Variants in SLC2A9 observed in about 807,000 individuals in gnomAD.
The protein encoded by SLC2A9 is solute carrier family 2 member 9, also known as solute carrier family 2, facilitated glucose transporter member 9.
A neutral mutation model predicts 50.6 loss-of-function variants in SLC2A9; 39 were observed. That is an observed-to-expected ratio of 0.77 (90% CI 0.60 to 1.01). The LOEUF (loss-of-function observed/expected upper bound fraction) is 1.01. Among genes scored for constraint, SLC2A9 ranks in the 50% least tolerant of loss-of-function variants. The pLI is 0.00. For synonymous variants in SLC2A9, 324 were observed against 276.9 expected, an observed-to-expected ratio of 1.17 and a Z score of -1.69; for missense variants, 686 against 677.6, an observed-to-expected ratio of 1.01 and a Z score of -0.14.
chr4:9,819,142 T>G (rs1051725439), intron 3 of SLC2A9, among the ~76,000 whole-genome samples: 9 of 125,454 alleles, frequency 7.2e-5, no homozygotes, highest in African/African-American at 1.0e-4. Context: ...AAAAAAAAAG[T>G]ATACAGGTCT....
chr4:9,950,143 T>C (rs906145811), intron 5 of SLC2A9, among the ~76,000 whole-genome samples: 1 of 152,208 alleles, frequency 6.6e-6, no homozygotes, highest in Non-Finnish European at 1.5e-5. Flanking sequence ...GCTAGTAAGA[T>C]GGCTCAATTC....
chr4:9,990,350 G>T (rs549571828), intron 3 of SLC2A9, among the ~76,000 whole-genome samples: 15 of 152,190 alleles, frequency 9.9e-5, no homozygotes, highest in Admixed American at 9.2e-4. Flanking sequence ...TCTACTGCTT[G>T]CCTGCTGTGT....
At chr4:9,903,432 T>C (rs1740033521) in intron 8 of SLC2A9, among the ~76,000 whole-genome samples, 1 of 152,142 alleles carries the variant, frequency 6.6e-6, no homozygotes, top group Admixed American at 6.5e-5. Flanking sequence ...CTGCCCCACA[T>C]GGCCTGAATG....
chr4:9,771,752 G>A (rs571869056), intron 1 of SLC2A9, among the ~76,000 whole-genome samples: 1 of 152,314 alleles, frequency 6.6e-6, no homozygotes, highest in Non-Finnish European at 1.5e-5. Flanking sequence ...TACAGAGGGT[G>A]GCTACTACCC....
At chr4:9,922,650 A>C (rs1239073569) in intron 6 of SLC2A9, among the ~76,000 whole-genome samples, 2 of 152,182 alleles carry the variant, frequency 1.3e-5, no homozygotes, top group East Asian at 3.8e-4. Context: ...CCTGCAATGC[A>C]TGAGTTTCTC....
At chr4:9,993,527 A>C (rs1412653057) in intron 3 of SLC2A9, among the ~76,000 whole-genome samples, 3 of 152,194 alleles carry the variant, frequency 2.0e-5, no homozygotes, top group Non-Finnish European at 4.4e-5. Context: ...GCCATTCTTT[A>C]TCTTCATGTC....
intron 8 of SLC2A9, among the ~76,000 whole-genome samples, chr4:9,891,090 T>C (rs970186589): frequency 5.3e-5 from 8 of 152,068 alleles, no homozygotes; most frequent in African/African-American, 1.7e-4. Flanking sequence ...CTCCATGTTG[T>C]GGGTTTCATA....
chr4:9,790,871 C>G (rs1719831018), intron 3 of SLC2A9, among the ~76,000 whole-genome samples: 1 of 152,218 alleles, frequency 6.6e-6, no homozygotes, highest in African/African-American at 2.4e-5. Flanking sequence ...TGCCTTGATC[C>G]TGCCCTGATC....
intron 10 of SLC2A9, among the ~76,000 whole-genome samples, chr4:9,851,196 G>A (rs1355213182): frequency 6.6e-6 from 1 of 152,188 alleles, no homozygotes; most frequent in African/African-American, 2.4e-5. Context: ...ATTGGGCTGG[G>A]AACACCTCGG....
At chr4:9,903,916 A>C (rs13128821) in intron 8 of SLC2A9, among the ~76,000 whole-genome samples, 1 of 147,786 alleles carries the variant, frequency 6.8e-6, no homozygotes, top group African/African-American at 2.5e-5. Flanking sequence ...AATATATAAA[A>C]TATATCTACA....
intron 6 of SLC2A9, among the ~76,000 whole-genome samples, chr4:9,933,684 A>T (rs1000025796): frequency 6.6e-6 from 1 of 152,190 alleles, no homozygotes; most frequent in South Asian, 2.1e-4. Flanking sequence ...AGCAAATTAC[A>T]ATGGAGATTT....
At chr4:10,030,374 A>C (rs956004072) in intron 1 of SLC2A9, among the ~76,000 whole-genome samples, 1 of 152,250 alleles carries the variant, frequency 6.6e-6, no homozygotes, top group East Asian at 1.9e-4. Flanking sequence ...AATACTCTGT[A>C]TGATACTATA....
intron 3 of SLC2A9, among the ~76,000 whole-genome samples, chr4:9,780,498 C>T (rs527366405): frequency 6.6e-6 from 1 of 152,098 alleles, no homozygotes; most frequent in Admixed American, 6.5e-5. Flanking sequence ...AGAAGGTGGG[C>T]CACTTGCAGA....
At chr4:9,872,141 G>A (rs779032182) in intron 10 of SLC2A9, among the ~76,000 whole-genome samples, 1 of 152,180 alleles carries the variant, frequency 6.6e-6, no homozygotes, top group African/African-American at 2.4e-5. Flanking sequence ...CCTTAATCTG[G>A]TTCATCCCCT....
At chr4:9,831,490 T>C (rs1473998324) in intron 11 of SLC2A9, among the ~76,000 whole-genome samples, 1 of 152,184 alleles carries the variant, frequency 6.6e-6, no homozygotes. Context: ...ACTCTACTTG[T>C]TATCACAGCC....
chr4:9,867,006 A>G (rs1270274886), intron 10 of SLC2A9, among the ~76,000 whole-genome samples: 1 of 152,210 alleles, frequency 6.6e-6, no homozygotes, highest in African/African-American at 2.4e-5. Context: ...CACTGCTCCC[A>G]ATATGGGGAG....
At chr4:9,900,930 C>G (rs1456748689) in intron 8 of SLC2A9, among the ~76,000 whole-genome samples, 1 of 152,204 alleles carries the variant, frequency 6.6e-6, no homozygotes, top group Non-Finnish European at 1.5e-5. Context: ...TCCCATGACA[C>G]ATGGGGATTG....
downstream of SLC2A9, among the ~76,000 whole-genome samples, chr4:9,774,889 A>C (rs1717340905): frequency 1.3e-5 from 2 of 152,034 alleles, no homozygotes; most frequent in South Asian, 4.1e-4. Context: ...GAAAATGACC[A>C]CCTGGAAACC....
downstream of SLC2A9, among the ~76,000 whole-genome samples, chr4:9,794,157 T>C (rs1720299058): frequency 6.7e-6 from 1 of 150,046 alleles, no homozygotes; most frequent in African/African-American, 2.4e-5. Context: ...TCCTTTTTTT[T>C]GTGTGTGTGA....
Sources: gnomAD v4.1 joint callset for allele counts (sites outside exome capture counted in the v4.1 genomes callset) on GRCh38, gnomAD v4.1.1 for gene constraint, MANE v1.5 for transcripts, NCBI Gene and HGNC (gene_info 2026-07-23, HGNC 2026-07-21) for gene names.